The following ARHGAP15 variants were observed in gnomAD, a reference collection of about 807,000 sequenced individuals.
The protein encoded by ARHGAP15 is Rho GTPase activating protein 15, also known as rho GTPase-activating protein 15.
ARHGAP15 carries 51 observed loss-of-function variants against 63.7 expected under a neutral mutation model. The ratio of observed to expected loss-of-function variants is 0.80; its 90% CI spans 0.64 to 1.01. The LOEUF is 1.01. Ranked by LOEUF, ARHGAP15 falls within the 50% of genes least tolerant of loss-of-function variation. ARHGAP15 has a pLI of 0.00. For missense variants in ARHGAP15, 560 were observed against 564.6 expected (o/e 0.99, Z 0.08); for synonymous variants, 191 against 193.8 (o/e 0.99, Z 0.12).
intron 8 of ARHGAP15, among the ~76,000 whole-genome samples, chr2:143,440,128 A>G (rs1025183276): frequency 1.3e-5 from 2 of 152,244 alleles, no homozygotes; most frequent in East Asian, 1.9e-4. Flanking sequence ...TTCAATATGT[A>G]TGTATTCATT....
At chr2:143,338,744 G>GA (rs1684923706) in intron 6 of ARHGAP15, among the ~76,000 whole-genome samples, 1 of 152,088 alleles carries the variant, frequency 6.6e-6, no homozygotes, top group African/African-American at 2.4e-5. Flanking sequence ...GTCTATCAGG[G>GA]AAAAGAAAGA....
intron 13 of ARHGAP15, among the ~76,000 whole-genome samples, chr2:143,751,844 C>A (rs1686387732): frequency 6.6e-6 from 1 of 152,170 alleles, no homozygotes; most frequent in African/African-American, 2.4e-5. Context: ...GGTGTAACAG[C>A]AACCTTGCCT....
intron 12 of ARHGAP15, among the ~76,000 whole-genome samples, chr2:143,668,693 A>C (rs1682363212): frequency 6.6e-6 from 1 of 152,330 alleles, no homozygotes; most frequent in South Asian, 2.1e-4. Context: ...GTCTTAGAGA[A>C]GCCTGAAGTT....
chr2:143,565,923 C>T (rs538145637), intron 11 of ARHGAP15, among the ~76,000 whole-genome samples: 1 of 152,250 alleles, frequency 6.6e-6, no homozygotes, highest in South Asian at 2.1e-4. Flanking sequence ...ATCCCTGTTG[C>T]TGGTAATTAC....
At chr2:143,361,301 C>A (rs761482929) in intron 6 of ARHGAP15, among the ~76,000 whole-genome samples, 4 of 152,140 alleles carry the variant, frequency 2.6e-5, no homozygotes, top group Non-Finnish European at 5.9e-5. Context: ...CCAAGAGGCA[C>A]GTGCCAATTC....
intron 1 of ARHGAP15, among the ~76,000 whole-genome samples, chr2:143,148,682 T>A (rs1689689729): frequency 6.6e-6 from 1 of 152,076 alleles, no homozygotes. Context: ...TTCCTATATA[T>A]AACACCTGCC....
At position 143,250,650 on chromosome 2, in the gene ARHGAP15, G is replaced by C; in HGVS notation, c.474+50G>C. 2.7e-6 allele frequency: 4 copies of C among 1,475,950 alleles called. No individual in the cohort carries two copies. The South Asian group carries it at 4.7e-5, about 17-fold the overall frequency. 91.4% of individuals were successfully genotyped at this position (1,475,950 alleles called of 1,614,324 possible). ...TTATTCCTATTCTCTCTAAATCTGA[G>C]CTCTCTTGGGTAACTAAAATAAGAC... On this transcript the variant is annotated intron_variant, in intron 6 of 13. Transcript: ENST00000295095.
intron 12 of ARHGAP15, among the ~76,000 whole-genome samples, chr2:143,641,618 T>A (rs1680603752): frequency 6.6e-6 from 1 of 152,122 alleles, no homozygotes; most frequent in Admixed American, 6.6e-5. Context: ...GTAAGCTTAA[T>A]GAAAGATGCA....
chr2:143,492,747 G>A (rs369359558), intron 9 of ARHGAP15, among the ~76,000 whole-genome samples: 5 of 152,084 alleles, frequency 3.3e-5, no homozygotes, highest in East Asian at 1.9e-4. Flanking sequence ...GGGTGACAGA[G>A]TGAGACTCCC....
intron 1 of ARHGAP15, among the ~76,000 whole-genome samples, chr2:143,152,249 C>A (rs896483065): frequency 4.6e-5 from 7 of 151,988 alleles, no homozygotes; most frequent in Admixed American, 4.6e-4. Flanking sequence ...CTTCGAACTT[C>A]CCTGGTACTT....
At chr2:143,283,301 GT>G (rs1250076815) in intron 6 of ARHGAP15, among the ~76,000 whole-genome samples, 4 of 152,094 alleles carry the variant, frequency 2.6e-5, no homozygotes, top group Non-Finnish European at 5.9e-5. Flanking sequence ...ACATGAGAAA[GT>G]AAAAAATTTA....
chr2:143,638,501 T>G (rs1574749415), intron 12 of ARHGAP15, among the ~76,000 whole-genome samples: 1 of 61,948 alleles, frequency 1.6e-5, no homozygotes, highest in African/African-American at 6.7e-5. Flanking sequence ...GGGACTGTGG[T>G]GGGGTGGGGG....
chr2:143,319,092 C>T (rs192048695), intron 6 of ARHGAP15, among the ~76,000 whole-genome samples: 1 of 152,204 alleles, frequency 6.6e-6, no homozygotes, highest in Admixed American at 6.5e-5. Context: ...TGTCTCCTAT[C>T]TCCTAGACCA....
At chr2:143,579,825 G>A (rs1696821678) in intron 11 of ARHGAP15, among the ~76,000 whole-genome samples, 1 of 151,500 alleles carries the variant, frequency 6.6e-6, no homozygotes, top group Non-Finnish European at 1.5e-5. Context: ...AGCACTCCCT[G>A]CACAGAGCTT....
At chr2:143,522,799 T>A (rs760911005) in intron 10 of ARHGAP15, among the ~76,000 whole-genome samples, 3 of 152,172 alleles carry the variant, frequency 2.0e-5, no homozygotes, top group Non-Finnish European at 4.4e-5. Context: ...GAAAGCTTGA[T>A]GTAGAGGAAG....
intron 6 of ARHGAP15, among the ~76,000 whole-genome samples, chr2:143,370,942 T>C (rs1344289763): frequency 6.6e-6 from 1 of 152,204 alleles, no homozygotes; most frequent in Admixed American, 6.5e-5. Flanking sequence ...TGACTTTTTT[T>C]CTCCTTTGAG....
chr2:143,253,834 T>C (rs1018306725), intron 6 of ARHGAP15, among the ~76,000 whole-genome samples: 1 of 151,902 alleles, frequency 6.6e-6, no homozygotes, highest in Non-Finnish European at 1.5e-5. Context: ...CCTTAGGAAA[T>C]AGAGTAAGCA....
At chr2:143,509,080 A>G (rs1693455550) in intron 9 of ARHGAP15, among the ~76,000 whole-genome samples, 1 of 152,212 alleles carries the variant, frequency 6.6e-6, no homozygotes, top group Non-Finnish European at 1.5e-5. Context: ...GCTTCATTTG[A>G]AAGCTGCAGC....
intron 8 of ARHGAP15, among the ~76,000 whole-genome samples, chr2:143,477,434 T>C (rs1262083871): frequency 6.6e-6 from 1 of 152,090 alleles, no homozygotes. Context: ...ATCATTAATA[T>C]TAATCTATTA....
Sources: allele counts gnomAD v4.1 joint callset (sites outside exome capture counted in the v4.1 genomes callset), GRCh38; gene constraint gnomAD v4.1.1; transcripts MANE v1.5; gene names NCBI Gene and HGNC (gene_info 2026-07-23, HGNC 2026-07-21).